The following GPD2 variants were observed in gnomAD, a reference collection of about 807,000 sequenced individuals.
GPD2 encodes the protein glycerol-3-phosphate dehydrogenase, mitochondrial.
In GPD2, 54 loss-of-function variants were observed where a neutral mutation model predicts 82.4. That is an observed-to-expected ratio of 0.66 (90% CI 0.53 to 0.82). The LOEUF (loss-of-function observed/expected upper bound fraction) is 0.82, where lower values mean the gene tolerates loss of function less well. Ranked by LOEUF, GPD2 falls within the 40% of genes least tolerant of loss-of-function variation. GPD2 has a pLI of 0.00. For synonymous variants in GPD2, 288 were observed against 306.1 expected (o/e 0.94, Z 0.62); for missense variants, 748 against 896.2 (o/e 0.83, Z 2.11).
intron 1 of GPD2, among the ~76,000 whole-genome samples, chr2:156,463,669 G>A (rs1353922932): frequency 4.6e-5 from 7 of 152,276 alleles, no homozygotes; most frequent in South Asian, 2.1e-4. Flanking sequence ...AATTACAAGC[G>A]TGTCTTTCCT....
chr2:156,404,780 G>A, the GPD2 span, among the ~76,000 whole-genome samples: 2 of 150,340 alleles, frequency 1.3e-5, no homozygotes, highest in African/African-American at 4.9e-5. Context: ...CTTGAACCCA[G>A]GAGGCAGAGA....
At chr2:156,468,213 G>A (rs1208856943) in intron 1 of GPD2, among the ~76,000 whole-genome samples, 1 of 152,162 alleles carries the variant, frequency 6.6e-6, no homozygotes, top group African/African-American at 2.4e-5. Flanking sequence ...AAAGGGTGCT[G>A]CTGGGAGGGA....
At chr2:156,580,367 T>C (rs1277934214) in intron 16 of GPD2, among the ~76,000 whole-genome samples, 1 of 152,222 alleles carries the variant, frequency 6.6e-6, no homozygotes, top group African/African-American at 2.4e-5. Context: ...TATTCAAGGC[T>C]CTGTTGTTTA....
intron 6 of GPD2, among the ~76,000 whole-genome samples, chr2:156,538,941 T>G (rs1238110941): frequency 2.0e-5 from 3 of 152,118 alleles, no homozygotes; most frequent in Non-Finnish European, 4.4e-5. Context: ...CTTTGTCAAG[T>G]AAGTCTGAAT....
rs1688168012 is a variant in GPD2 at position 156,585,142 on chromosome 2, C to T, written c.*2224C>T. On this transcript the variant is annotated 3_prime_UTR_variant, in exon 17 of 17. Transcript: ENST00000438166. ...AATTTGGAAATGAACTGATTTCAAGCCGTTACTGTGAATAAAGCACCCCAG... is the reference window on the plus strand; with the variant it reads ...AATTTGGAAATGAACTGATTTCAAGTCGTTACTGTGAATAAAGCACCCCAG... The T allele has an allele frequency of 6.6e-6, 1 of 152,152 alleles. No individual in the cohort carries two copies. The highest frequency in any genetic ancestry group is 1.9e-4 in the East Asian group (1 of 5,168). The allele number at this position is 152,152 out of a possible 1,614,324, so 9.4% of individuals were successfully genotyped here.
intron 3 of GPD2, among the ~76,000 whole-genome samples, chr2:156,510,372 T>C (rs1684952063): frequency 6.6e-6 from 1 of 152,176 alleles, no homozygotes; most frequent in Non-Finnish European, 1.5e-5. Flanking sequence ...GATGCATGCA[T>C]TAGAGTAGAT....
In GPD2 at chr2:156,453,478, G is replaced by A. The variant is rs539483299; in HGVS notation, c.-9+16965G>A. Reference sequence around the variant, plus strand: ...TAGGGTGCTTGAGGCTGGAGTCTGCGGAGTTGATATAAATAGTGGGGATGC... The same window carrying A: ...TAGGGTGCTTGAGGCTGGAGTCTGCAGAGTTGATATAAATAGTGGGGATGC... On this transcript the variant is annotated intron_variant, in intron 1 of 16. Transcript: ENST00000438166. Among the ~76,000 whole-genome samples the A allele has an allele frequency of 3.9e-5, 6 of 152,086 alleles. No individual in the cohort carries two copies. The South Asian group carries it at 6.2e-4, about 16-fold the overall frequency.
At chr2:156,503,724 T>C (rs1684677314) in intron 3 of GPD2, among the ~76,000 whole-genome samples, 1 of 152,190 alleles carries the variant, frequency 6.6e-6, no homozygotes, top group Non-Finnish European at 1.5e-5. Context: ...TAGTGTTCTT[T>C]AGTAAGCATA....
intron 2 of GPD2, among the ~76,000 whole-genome samples, chr2:156,492,750 T>A (rs1022938503): frequency 1.3e-5 from 2 of 152,064 alleles, no homozygotes; most frequent in Non-Finnish European, 2.9e-5. Context: ...TTTTAGAAGA[T>A]GGAACTGATA....
chr2:156,543,465 T>A (rs1686404334), intron 6 of GPD2, among the ~76,000 whole-genome samples: 1 of 152,220 alleles, frequency 6.6e-6, no homozygotes, highest in Non-Finnish European at 1.5e-5. Flanking sequence ...GGCTGTGCAT[T>A]ATAGACTCAG....
In GPD2 at chr2:156,543,442, A is replaced by C. The variant is rs76555134; in HGVS notation, c.662-6166A>C. On this transcript the variant is annotated intron_variant, in intron 6 of 16. Transcript: ENST00000438166. ...AGAATTGATGTCCCATAAGTCTGTAACTGTGTCTCTTTGGCTGTGCATTAT... is the reference window on the plus strand; with the variant it reads ...AGAATTGATGTCCCATAAGTCTGTACCTGTGTCTCTTTGGCTGTGCATTAT... Among the ~76,000 whole-genome samples, 1,236 of 152,288 alleles carry C rather than the reference A, an allele frequency of 8.1e-3. 14 individuals are homozygous for C. The highest frequency in any genetic ancestry group is 0.029 in the African/African-American group (1,188 of 41,564).
intron 6 of GPD2, among the ~76,000 whole-genome samples, chr2:156,528,764 G>C (rs1243770840): frequency 6.6e-6 from 1 of 151,972 alleles, no homozygotes; most frequent in African/African-American, 2.4e-5. Context: ...CAAAGGACGT[G>C]ATCTCATCAT....
At chr2:156,545,566 CA>C (rs1686497309) in intron 6 of GPD2, among the ~76,000 whole-genome samples, 1 of 152,098 alleles carries the variant, frequency 6.6e-6, no homozygotes, top group South Asian at 2.1e-4. Flanking sequence ...CTTTTTCTAA[CA>C]AATAGAGTTT....
chr2:156,527,501 A>C (rs1399936835), intron 6 of GPD2, among the ~76,000 whole-genome samples: 6 of 152,078 alleles, frequency 3.9e-5, no homozygotes, highest in Non-Finnish European at 1.5e-5. Context: ...TCATCTTTGC[A>C]CATTAAAAAA....
chr2:156,494,798 A>G (rs1382826464), intron 2 of GPD2, among the ~76,000 whole-genome samples: 1 of 152,256 alleles, frequency 6.6e-6, no homozygotes, highest in Non-Finnish European at 1.5e-5. Context: ...GAATACTAAT[A>G]GAGCAATGCT....
At chr2:156,570,850 A>C (rs946199951) in intron 12 of GPD2, among the ~76,000 whole-genome samples, 2 of 152,148 alleles carry the variant, frequency 1.3e-5, no homozygotes, top group Admixed American at 1.3e-4. Context: ...ATGACTGTGG[A>C]TGGTTAATGA....
chr2:156,515,895 A>G (rs1182391544), intron 6 of GPD2, among the ~76,000 whole-genome samples: 1 of 152,204 alleles, frequency 6.6e-6, no homozygotes, highest in Non-Finnish European at 1.5e-5. Flanking sequence ...TTACAACTAT[A>G]TTTACATGTG....
At chr2:156,430,071 A>G in the GPD2 span, among the ~76,000 whole-genome samples, 1 of 152,238 alleles carries the variant, frequency 6.6e-6, no homozygotes, top group Non-Finnish European at 1.5e-5. Context: ...AATTCATGTA[A>G]ACTACCTAAA....
At position 156,569,344 on chromosome 2, in the gene GPD2, T is replaced by A. The variant is rs370801072; in HGVS notation, c.1301-19T>A. On this transcript the variant is annotated intron_variant, in intron 10 of 16. Transcript: ENST00000438166. ...TAAGGGGTGGCAACCTGATGAATTGTCTATCAATTTCTTTATAGGTGGAAA... is the reference window on the plus strand; with the variant it reads ...TAAGGGGTGGCAACCTGATGAATTGACTATCAATTTCTTTATAGGTGGAAA... 7 of 1,559,404 alleles carry A rather than the reference T, an allele frequency of 4.5e-6. No individual in the cohort carries two copies. The Admixed American group carries it at 1.0e-4, about 22-fold the overall frequency.
Sources: allele counts gnomAD v4.1 joint callset (sites outside exome capture counted in the v4.1 genomes callset), GRCh38; gene constraint gnomAD v4.1.1; transcripts MANE v1.5; gene names NCBI Gene and HGNC (gene_info 2026-07-23, HGNC 2026-07-21).